The following SIN3B variants were observed in gnomAD, a reference collection of about 807,000 sequenced individuals.
The protein encoded by SIN3B is SIN3 transcription regulator family member B.
In SIN3B, 19 loss-of-function variants were observed where a neutral mutation model predicts 120.2. The ratio of observed to expected loss-of-function variants is 0.16; its 90% CI spans 0.11 to 0.23. SIN3B has a LOEUF of 0.23. Ranked by LOEUF, SIN3B falls within the 10% of genes least tolerant of loss-of-function variation. SIN3B has a pLI of 1.00. For missense variants in SIN3B, 1,073 were observed against 1,573.0 expected, an observed-to-expected ratio of 0.68 and a Z score of 5.38; for synonymous variants, 654 against 653.2, an observed-to-expected ratio of 1.00 and a Z score of -0.02.
intron 16 of SIN3B, chr19:16,877,338 G>A (rs545923862): frequency 8.8e-6 from 5 of 567,332 alleles, no homozygotes; most frequent in Non-Finnish European, 1.6e-5. Context: ...CTGGTTGTGT[G>A]AGTCCCGCTG....
At chr19:16,833,099 G>T (rs1284533344) in intron 3 of SIN3B, among the ~76,000 whole-genome samples, 1 of 152,112 alleles carries the variant, frequency 6.6e-6, no homozygotes, top group Non-Finnish European at 1.5e-5. Flanking sequence ...CCCCTGTTGA[G>T]AACCACCGGT....
intron 14 of SIN3B, among the ~76,000 whole-genome samples, chr19:16,873,651 C>G (rs1430064050): frequency 1.3e-5 from 2 of 152,154 alleles, no homozygotes; most frequent in Non-Finnish European, 2.9e-5. Context: ...AAAAATCCCC[C>G]CCTTCCATAA....
chr19:16,862,005 C>T lies in SIN3B; in HGVS notation c.1059-347C>T, dbSNP rs1181943982. On this transcript the variant is annotated intron_variant, in intron 8 of 18. Coordinates refer to ENST00000248054, the MANE Select transcript of SIN3B (RefSeq NM_001297595.2). The surrounding 1 kb of genome is among the most constrained non-coding windows in gnomAD (Gnocchi z 4.7). ...CTGGCTGTGGCTTGCCACTCCCTGG[C>T]CTGAAGCCTGGCCTCTTCCAGTCAG... 6.6e-6 allele frequency among the ~76,000 whole-genome samples: 1 copy of T among 152,206 alleles called. No individual in the cohort carries two copies. Among genetic ancestry groups the T allele is most frequent in the African/African-American group, 2.4e-5 (1 of 41,442 alleles).
chr19:16,866,920 C>A (rs1236493454), intron 12 of SIN3B, among the ~76,000 whole-genome samples: 1 of 152,160 alleles, frequency 6.6e-6, no homozygotes, highest in Admixed American at 6.5e-5. Flanking sequence ...CCACACCCAG[C>A]TAATTTTTAT....
chr19:16,865,117 C>T (rs2144613217), intron 10 of SIN3B: 2 of 275,524 alleles, frequency 7.3e-6, no homozygotes, highest in African/African-American at 4.3e-5. Flanking sequence ...AGGCGTGAGC[C>T]ACCGTGCCCG....
chr19:16,865,700 C>A, intron 11 of SIN3B, 52 bp downstream of exon 11: 1 of 1,037,694 alleles, frequency 9.6e-7, no homozygotes, highest in Non-Finnish European at 1.4e-6. Context: ...CCCTTCCCTC[C>A]CCTCCCCTCC....
chr19:16,867,055 G>T (rs917918999), intron 12 of SIN3B, among the ~76,000 whole-genome samples: 1 of 152,130 alleles, frequency 6.6e-6, no homozygotes, highest in Non-Finnish European at 1.5e-5. Context: ...GCTCCTGGCC[G>T]ACTCTGCCAT....
chr19:16,835,112 G>C (rs1010981997), intron 3 of SIN3B, among the ~76,000 whole-genome samples: 1 of 151,562 alleles, frequency 6.6e-6, no homozygotes, highest in African/African-American at 2.4e-5. Context: ...TTTTAGTAGA[G>C]ACGGGGTTTC....
chr19:16,852,093 G>A (rs866503610), intron 6 of SIN3B, among the ~76,000 whole-genome samples: 2 of 152,204 alleles, frequency 1.3e-5, no homozygotes, highest in African/African-American at 4.8e-5. Flanking sequence ...TACTGTTCCA[G>A]ATTGGGCCAG....
chr19:16,829,751 C>A, intron 1 of SIN3B, 40 bp from the exon 2 acceptor site: 1 of 1,547,464 alleles, frequency 6.5e-7, no homozygotes, highest in Non-Finnish European at 8.9e-7. Flanking sequence ...TCCCCTCGTT[C>A]CGCGGCCAGG....
intron 2 of SIN3B, 54 bp from the exon 3 acceptor site, chr19:16,831,440 T>C (rs2144569401): frequency 6.4e-7 from 1 of 1,560,300 alleles, no homozygotes; most frequent in Non-Finnish European, 8.8e-7. Context: ...GAATAGATTA[T>C]ATTTTTCATT....
chr19:16,878,458 C>A, intron 18 of SIN3B, 39 bp from the exon 19 acceptor site: 2 of 1,569,674 alleles, frequency 1.3e-6, no homozygotes, highest in African/African-American at 1.4e-5. Context: ...CCCTGGGGGT[C>A]CAGCCCTCAG....
rs181505499 is a variant in SIN3B at position 16,839,842 on chromosome 19, C to A, written c.382-1926C>A. 3.1e-3 allele frequency among the ~76,000 whole-genome samples: 474 copies of A among 152,232 alleles called. 2 individuals carry two copies. The highest frequency in any genetic ancestry group is 0.011 in the African/African-American group (445 of 41,552). On this transcript the variant is annotated intron_variant, in intron 3 of 18. Transcript: ENST00000248054. ...GACCAGCCTGGCCAATATGGTGAAA[C>A]CCCATCTCTACTAAAAATAGAAAAA...
At position 16,862,545 on chromosome 19, in the gene SIN3B, G is replaced by A; in HGVS notation, c.1252G>A (p.Ala418Thr). The A allele has an allele frequency of 6.2e-7, 1 of 1,613,344 alleles. No individual in the cohort carries two copies. Among genetic ancestry groups the A allele is most frequent in the Non-Finnish European group, 8.5e-7 (1 of 1,179,896 alleles). ...YQQPKCSGRT[A>T]ICKEVLNDTW... ...GCAGCCCAAGTGCAGTGGGAGGACA[G>A]CCATCTGCAAGGAGGTAGCGCTCCC... The change falls in exon 9 of 19, where the codon GCC becomes ACC. Residue 418 changes from alanine (A) to threonine (T), a missense_variant. Transcript: ENST00000248054. This position sits in a 1 kb window ranked among gnomAD's most constrained non-coding sequence, Gnocchi z 4.7.
At position 16,865,316 on chromosome 19, in the gene SIN3B, CA is replaced by C. The variant is rs1555742994; in HGVS notation, c.1384-87del. The C allele has an allele frequency of 7.6e-3, 4,145 of 543,726 alleles. 192 individuals carry two copies. Among genetic ancestry groups the C allele is most frequent in the African/African-American group, 0.071 (3,453 of 48,586 alleles). The allele number at this position is 543,726 out of a possible 1,614,324, so 33.7% of individuals were successfully genotyped here. A position where few individuals can be genotyped will look rare whatever the true frequency, so the allele number is the denominator to read the frequency against. On this transcript the variant is annotated intron_variant, in intron 10 of 18. Transcript: ENST00000248054. ...CTCTTAAATACACACACCCCCCCCC[CA>C]AAAAAATCCTCTGGTCTCTGAGGTC...
rs2051485065 is a variant in SIN3B, at chr19:16,869,851, A to C, written c.2198A>C (p.His733Pro). The change falls in exon 13 of 19, where the codon CAC (histidine) becomes CCC (proline). Residue 733 changes from histidine (H) to proline (P), a missense_variant. Physicochemically the swap from His to Pro is moderately conservative, Grantham distance 77. This residue lies in a region of SIN3B where 169 missense variants were observed against 207.3 expected (regional missense o/e 0.82). Transcript: ENST00000248054. ...EQPPLPPPAPHKPLDDVYSLF... is the reference protein window; with the variant it reads ...EQPPLPPPAPPKPLDDVYSLF... ...CCACCCCTGCCGCCCCCAGCCCCGC[A>C]CAAGCCCCTGGACGATGTCTACAGC... 6.2e-7 allele frequency: 1 copy of C among 1,614,084 alleles called. No homozygotes were observed. The highest frequency in any genetic ancestry group is 8.5e-7 in the Non-Finnish European group (1 of 1,180,010).
At chr19:16,842,242 A>G (rs373354273) in intron 4 of SIN3B, among the ~76,000 whole-genome samples, 6 of 149,324 alleles carry the variant, frequency 4.0e-5, no homozygotes, top group African/African-American at 1.5e-4. Context: ...GGGCTAGAAC[A>G]TGGGCGCACA....
In SIN3B at chr19:16,880,278, C is replaced by G. The variant is rs2051678080; in HGVS notation, c.*1551C>G. The G allele has an allele frequency of 6.6e-6, 1 of 152,236 alleles. No homozygotes were observed. Among genetic ancestry groups the G allele is most frequent in the South Asian group, 2.1e-4 (1 of 4,832 alleles). 9.4% of individuals were successfully genotyped at this position (152,236 alleles called of 1,614,324 possible). On this transcript the variant is annotated 3_prime_UTR_variant, in exon 19 of 19. Coordinates refer to ENST00000248054, the MANE Select transcript of SIN3B (RefSeq NM_001297595.2). Reference sequence around the variant, plus strand: ...ATTTCTGTTCTGGGGCTTGTCCTTCCTTTGCAGCTGTTTTGAATGTAGTTT... The same window carrying G: ...ATTTCTGTTCTGGGGCTTGTCCTTCGTTTGCAGCTGTTTTGAATGTAGTTT...
chr19:16,838,989 T>TC (rs1971383248), intron 3 of SIN3B, among the ~76,000 whole-genome samples: 1 of 149,856 alleles, frequency 6.7e-6, no homozygotes, highest in East Asian at 2.0e-4. Flanking sequence ...TTTTTTTTTT[T>TC]TGAGATGGGG....
Sources: gnomAD v4.1 joint callset for allele counts (sites outside exome capture counted in the v4.1 genomes callset) on GRCh38, gnomAD v4.1.1 for gene constraint, gnomAD v4.1.1 regional missense constraint, Gnocchi (gnomAD v3.1) non-coding constraint, MANE v1.5 for transcripts, NCBI Gene and HGNC (gene_info 2026-07-23, HGNC 2026-07-21) for gene names.